Variants in VSIG4 observed in about 807,000 individuals in gnomAD.
VSIG4 encodes V-set and immunoglobulin domain-containing protein 4.
Under a neutral mutation model 23.4 loss-of-function variants are expected in VSIG4, and 34 were observed. The ratio of observed to expected loss-of-function variants is 1.45; its 90% CI spans 1.10 to 1.93. VSIG4 has a LOEUF of 1.93. Ranked by LOEUF, VSIG4 falls within the 30% of genes most tolerant of loss-of-function variation. The probability of loss-of-function intolerance (pLI) is 0.00; values close to 1 mark genes in which losing one functional copy is unlikely to be tolerated. For synonymous variants in VSIG4, 169 were observed against 120.3 expected, an observed-to-expected ratio of 1.41 and a Z score of -2.65; for missense variants, 433 against 310.8, an observed-to-expected ratio of 1.39 and a Z score of -2.96.
intron 1 of VSIG4, among the ~76,000 whole-genome samples, chrX:66,034,923 C>T (rs931568517): frequency 9.0e-6 from 1 of 110,781 alleles, no homozygotes; most frequent in South Asian, 3.9e-4. Context: ...ATTCATGTCT[C>T]TCCTAAGAGA....
At chrX:66,029,627 C>T (rs901992383) in intron 3 of VSIG4, among the ~76,000 whole-genome samples, 11 of 111,008 alleles carry the variant, frequency 9.9e-5, no homozygotes, top group Non-Finnish European at 1.3e-4. Context: ...GAATATGAGA[C>T]CATGAGGGTA....
At chrX:66,022,914 G>T (rs1297204408) in intron 6 of VSIG4, 52 bp from the exon 7 acceptor site, 1 of 1,152,035 alleles carries the variant, frequency 8.7e-7, no homozygotes, top group Admixed American at 2.2e-5. Flanking sequence ...AGTGGACAAA[G>T]GTCAATCATG....
intron 2 of VSIG4, 108 bp from the exon 3 acceptor site, chrX:66,032,857 G>T (rs139846778): frequency 0.021 from 17,102 of 819,879 alleles, 166 homozygotes; most frequent in Non-Finnish European, 0.024. Context: ...TCTGCAACTG[G>T]AACTAAAGGG....
At chrX:66,036,776 A>G (rs1322438854) in intron 1 of VSIG4, among the ~76,000 whole-genome samples, 5 of 41,363 alleles carry the variant, frequency 1.2e-4, no homozygotes, top group South Asian at 1.5e-3. Context: ...TATATATTAT[A>G]TTATATTATA....
intron 7 of VSIG4, 84 bp downstream of exon 7, chrX:66,022,757 C>G (rs1390844394): frequency 8.3e-7 from 1 of 1,204,115 alleles, no homozygotes; most frequent in Non-Finnish European, 1.1e-6. Flanking sequence ...CTGTGCCACA[C>G]CCCCCTTCCT....
chrX:66,026,942 G>T (rs1301427474), intron 5 of VSIG4, among the ~76,000 whole-genome samples: 10 of 111,395 alleles, frequency 9.0e-5, no homozygotes, highest in Non-Finnish European at 1.1e-4. Flanking sequence ...GTCATGTGAA[G>T]GCATACCAAC....
intron 1 of VSIG4, among the ~76,000 whole-genome samples, chrX:66,036,759 A>AATT (rs2085555107): frequency 1.2e-4 from 5 of 42,844 alleles, no homozygotes; most frequent in South Asian, 1.4e-3. Context: ...TATATAATAT[A>AATT]ATATAATATA....
At chrX:66,034,771 G>A (rs6624837) in intron 1 of VSIG4, among the ~76,000 whole-genome samples, 2 of 52,720 alleles carry the variant, frequency 3.8e-5, no homozygotes, top group African/African-American at 2.3e-4. Context: ...GGGGATGGGG[G>A]TGGGGGTGGG....
At position 66,033,616 on chromosome X, in the gene VSIG4, G is replaced by A; in HGVS notation, c.270C>T (p.His90=). ...GGAGGGATACATCTCCTGGAACCTTGTGGCTCACATGCAGGCGGCCCTGGT... is the reference window on the plus strand; with the variant it reads ...GGAGGGATACATCTCCTGGAACCTTATGGCTCACATGCAGGCGGCCCTGGT... ...AKYQGRLHVS[H]KVPGDVSLQL... Residue 90 remains histidine, a synonymous_variant, in exon 2 of 8, where the codon CAC becomes CAT. Coordinates refer to ENST00000374737, the MANE Select transcript of VSIG4 (RefSeq NM_007268.3). The A allele has an allele frequency of 8.3e-7, 1 of 1,211,580 alleles. No individual in the cohort carries two copies. The highest frequency in any genetic ancestry group is 1.1e-6 in the Non-Finnish European group (1 of 895,445).
chrX:66,035,091 G>A (rs1019634088), intron 1 of VSIG4, among the ~76,000 whole-genome samples: 2 of 111,119 alleles, frequency 1.8e-5, no homozygotes, highest in African/African-American at 6.5e-5. Context: ...CAGGACTTCT[G>A]TTAATAGAGA....
rs144523498 is a variant in VSIG4 at position 66,032,236 on chromosome X, C to T, written c.694+232G>A. 8.1e-3 allele frequency among the ~76,000 whole-genome samples: 903 copies of T among 111,723 alleles called. 16 individuals are homozygous for T. Among genetic ancestry groups the T allele is most frequent in the African/African-American group, 0.027 (845 of 30,729 alleles). ...CTTTGTATCTGGCAAATACAATGTG[C>T]TAGTAAATCTCTCTTTCCTTTACCG... On this transcript the variant is annotated intron_variant, in intron 3 of 7. Coordinates refer to ENST00000374737, the MANE Select transcript of VSIG4 (RefSeq NM_007268.3).
chrX:66,027,410 G>T, intron 5 of VSIG4, 39 bp downstream of exon 5: 1 of 1,132,092 alleles, frequency 8.8e-7, no homozygotes. Context: ...AAAGCTTAGA[G>T]TCAAGAAGAA....
At chrX:66,022,768 C>A in intron 7 of VSIG4, 73 bp downstream of exon 7, 5 of 1,209,377 alleles carry the variant, frequency 4.1e-6, no homozygotes, top group Non-Finnish European at 5.6e-6. Flanking sequence ...CCCCCTTCCT[C>A]CACATTTCCT....
intron 1 of VSIG4, among the ~76,000 whole-genome samples, chrX:66,036,863 ATATAT>A (rs1270372455): frequency 2.6e-5 from 1 of 39,049 alleles, no homozygotes; most frequent in Non-Finnish European, 3.9e-5. Context: ...ATATATAATA[ATATAT>A]TATATTATAT....
At chrX:66,026,586 G>C (rs145655987) in intron 5 of VSIG4, among the ~76,000 whole-genome samples, 4 of 111,974 alleles carry the variant, frequency 3.6e-5, no homozygotes, top group Non-Finnish European at 7.5e-5. Flanking sequence ...AAACAGGTTT[G>C]AGTGCTGCCA....
chrX:66,027,983 T>C, intron 4 of VSIG4, 67 bp downstream of exon 4: 1 of 1,027,196 alleles, frequency 9.7e-7, no homozygotes. Context: ...GCATTGTGAT[T>C]CCTTTCTTGG....
chrX:66,023,891 T>C (rs1261232809), intron 6 of VSIG4, among the ~76,000 whole-genome samples: 1 of 112,576 alleles, frequency 8.9e-6, no homozygotes, highest in Non-Finnish European at 1.9e-5. Context: ...TTACCGCTTA[T>C]GCCCAGCCTC....
intron 5 of VSIG4, among the ~76,000 whole-genome samples, chrX:66,025,363 C>A (rs1435940445): frequency 8.9e-6 from 1 of 112,034 alleles, no homozygotes; most frequent in Non-Finnish European, 1.9e-5. Context: ...TTGGCCTGGG[C>A]ATTTGAGCTA....
rs1004197736 is a variant in VSIG4, at chrX:66,040,062, G to T, written c.-64C>A. 3 of 1,144,389 alleles carry T rather than the reference G, an allele frequency of 2.6e-6. No individual in the cohort carries two copies. The highest frequency in any genetic ancestry group is 3.6e-5 in the African/African-American group (2 of 55,963). The allele number at this position is 1,144,389 out of a possible 1,213,427, so 94.3% of individuals were successfully genotyped here. A position where few individuals can be genotyped will look rare whatever the true frequency, so the allele number is the denominator to read the frequency against. On this transcript the variant is annotated 5_prime_UTR_variant, in exon 1 of 8. Transcript: ENST00000374737. ...TGCTACCAAAGAGGCTCAAACTTCT[G>T]GTGGCCGCCAGCGTCTGTGACTGCT...
Sources: gnomAD v4.1 joint callset for allele counts (sites outside exome capture counted in the v4.1 genomes callset) on GRCh38, gnomAD v4.1.1 for gene constraint, MANE v1.5 for transcripts, NCBI Gene and HGNC (gene_info 2026-07-23, HGNC 2026-07-21) for gene names.